AKNAD1: variants seen among roughly 807,000 people sequenced by gnomAD.
The protein encoded by AKNAD1 is protein AKNAD1.
In AKNAD1, 67 loss-of-function variants were observed where a neutral mutation model predicts 90.8. The observed-to-expected ratio is 0.74, with a 90% CI of 0.61 to 0.90. AKNAD1 has a LOEUF of 0.90. AKNAD1 is among the 40% of genes least tolerant of loss of function. The probability of loss-of-function intolerance (pLI) is 0.00; values close to 1 mark genes in which losing one functional copy is unlikely to be tolerated. For missense variants in AKNAD1, 957 were observed against 975.4 expected (o/e 0.98, Z 0.25); for synonymous variants, 327 against 341.4 (o/e 0.96, Z 0.46).
At chr1:108,831,947 G>A (rs548048069) in intron 9 of AKNAD1, among the ~76,000 whole-genome samples, 2 of 151,430 alleles carry the variant, frequency 1.3e-5, no homozygotes, top group Non-Finnish European at 3.0e-5. Flanking sequence ...CCTTACTTGT[G>A]ACTTTTTAGC....
intron 11 of AKNAD1, 52 bp from the exon 12 acceptor site, chr1:108,823,740 A>T: frequency 6.2e-7 from 1 of 1,612,656 alleles, no homozygotes; most frequent in South Asian, 1.1e-5. Context: ...GATTATAGTC[A>T]TAAAATACGG....
At chr1:108,839,099 A>C (rs1664459961) in intron 6 of AKNAD1, among the ~76,000 whole-genome samples, 1 of 152,240 alleles carries the variant, frequency 6.6e-6, no homozygotes. Flanking sequence ...ACCCCGAAGC[A>C]CGTGTATAGA....
chr1:108,816,234 C>T lies in AKNAD1; in HGVS notation c.2448G>A (p.Met816Ile), dbSNP rs1036611995. Residue 816 changes from methionine to isoleucine, a missense_variant, in exon 16 of 16, where the codon ATG (methionine) becomes ATA (isoleucine). Coordinates refer to ENST00000370001, the MANE Select transcript of AKNAD1 (RefSeq NM_152763.5). ...CAAGGTCTTCTGCAATCGTTTTAAT[C>T]ATTTGATCTGTAGTTTCTTTCAAAA... Reference protein sequence around the residue: ...ATILKETTDQMIKTIAEDLAK... With the variant: ...ATILKETTDQIIKTIAEDLAK... 1 of 1,613,662 alleles carries T rather than the reference C, an allele frequency of 6.2e-7. No homozygotes were observed. Among genetic ancestry groups the T allele is most frequent in the African/African-American group, 1.3e-5 (1 of 74,928 alleles).
upstream of AKNAD1, among the ~76,000 whole-genome samples, chr1:108,857,834 G>C (rs897644474): frequency 1.3e-5 from 2 of 152,230 alleles, no homozygotes; most frequent in African/African-American, 4.8e-5. Context: ...GTCACGGTAA[G>C]AGTTGGCTGT....
In AKNAD1 at chr1:108,852,898, AAGCT is replaced by A; in HGVS notation, c.-103-135_-103-132del. Reference sequence around the variant, plus strand: ...ACAGGAAGGCAGGAAGCTCAACCACAAGCTGACCCAACCTCAATCCACACTATGT... The same window carrying A: ...ACAGGAAGGCAGGAAGCTCAACCACAGACCCAACCTCAATCCACACTATGT... On this transcript the variant is annotated intron_variant, in intron 1 of 15. Transcript: ENST00000370001. The A allele has an allele frequency of 2.6e-5, 10 of 389,098 alleles. No individual in the cohort carries two copies. In the South Asian group the frequency reaches 6.2e-4, roughly 24 times the overall value. 24.1% of individuals were successfully genotyped at this position (389,098 alleles called of 1,614,324 possible).
rs1296734406 is a variant in AKNAD1, at chr1:108,820,547, T to C, written c.2247A>G (p.Gly749=). ...ACTGATAATGAAATAATACTTACTT[T>C]CCTGGTGTGGGCTCATGTTCACCTT... The part of the protein sequence containing the change: ...SFKGEHEPTP[G]KKKLQAFMTY... Residue 749 remains glycine (G), a splice_region_variant and synonymous_variant, in exon 14 of 16, where the codon GGA becomes GGG. Transcript: ENST00000370001. 3 of 1,586,534 alleles carry C rather than the reference T, an allele frequency of 1.9e-6. No homozygotes were observed. The highest frequency in any genetic ancestry group is 1.7e-5 in the Admixed American group (1 of 59,874).
intron 6 of AKNAD1, among the ~76,000 whole-genome samples, chr1:108,842,773 G>A (rs987229384): frequency 6.6e-6 from 1 of 152,176 alleles, no homozygotes. Flanking sequence ...AACTTGAGAA[G>A]AGGGCCCTCT....
At chr1:108,830,699 C>T (rs755783040) in intron 9 of AKNAD1, 49 bp from the exon 10 acceptor site, 12 of 1,587,204 alleles carry the variant, frequency 7.6e-6, no homozygotes, top group Admixed American at 3.3e-5. Flanking sequence ...ATGTGACTCA[C>T]GCCGCGGCTG....
chr1:108,828,727 T>C (rs2101174432), intron 10 of AKNAD1, among the ~76,000 whole-genome samples: 2 of 151,914 alleles, frequency 1.3e-5, no homozygotes, highest in South Asian at 4.2e-4. Flanking sequence ...TTCTCACACC[T>C]CATTTTCTGT....
intron 5 of AKNAD1, 72 bp downstream of exon 5, chr1:108,848,680 T>C: frequency 1.5e-6 from 2 of 1,355,590 alleles, no homozygotes; most frequent in South Asian, 1.3e-5. Flanking sequence ...AACATGGCAC[T>C]ATAAAGTTAT....
intron 10 of AKNAD1, 137 bp from the exon 11 acceptor site, chr1:108,827,439 A>G (rs1664040430): frequency 6.2e-6 from 4 of 644,248 alleles, no homozygotes; most frequent in Non-Finnish European, 8.1e-6. Flanking sequence ...CATCCTCTAC[A>G]CAGAGCTCTC....
intron 14 of AKNAD1, among the ~76,000 whole-genome samples, chr1:108,818,592 G>C (rs545420400): frequency 4.6e-5 from 7 of 152,230 alleles, no homozygotes; most frequent in African/African-American, 1.7e-4. Context: ...GCACCATTAT[G>C]ATTCCCACTT....
intron 1 of AKNAD1, among the ~76,000 whole-genome samples, chr1:108,856,548 A>AAAT (rs1471916435): frequency 1.3e-5 from 2 of 151,896 alleles, no homozygotes; most frequent in Admixed American, 1.3e-4. Context: ...AAGAAAAAAA[A>AAAT]AATTAAAAAT....
intron 10 of AKNAD1, 33 bp downstream of exon 10, chr1:108,830,526 C>T: frequency 6.2e-7 from 1 of 1,605,648 alleles, no homozygotes; most frequent in South Asian, 1.1e-5. Flanking sequence ...GACTCCAATC[C>T]ACCCTGGGAA....
intron 6 of AKNAD1, among the ~76,000 whole-genome samples, chr1:108,842,705 G>A (rs1664584592): frequency 1.3e-5 from 2 of 152,118 alleles, no homozygotes; most frequent in Admixed American, 1.3e-4. Context: ...GACAATAAAG[G>A]CAGGTGTGGG....
intron 1 of AKNAD1, among the ~76,000 whole-genome samples, chr1:108,854,077 C>G (rs1664962366): frequency 6.6e-6 from 1 of 152,310 alleles, no homozygotes; most frequent in Admixed American, 6.5e-5. Flanking sequence ...CTGAACAACC[C>G]CTGCCAGCCA....
chr1:108,834,220 T>C (rs553115816), intron 9 of AKNAD1, among the ~76,000 whole-genome samples: 4 of 152,114 alleles, frequency 2.6e-5, no homozygotes, highest in African/African-American at 9.6e-5. Context: ...CTCGGAGAAG[T>C]TGGAGAAGCT....
At chr1:108,837,392 T>A (rs1664418399) in intron 7 of AKNAD1, 158 bp downstream of exon 7, 1 of 657,368 alleles carries the variant, frequency 1.5e-6, no homozygotes, top group African/African-American at 1.8e-5. Flanking sequence ...CTTTAAAAGC[T>A]GGTTCCATTT....
At position 108,847,447 on chromosome 1, in the gene AKNAD1, C is replaced by CA. The variant is rs1326594196; in HGVS notation, c.1245+1304dup. On this transcript the variant is annotated intron_variant, in intron 5 of 15. Coordinates refer to ENST00000370001, the MANE Select transcript of AKNAD1 (RefSeq NM_152763.5). ...TGAGTGACAGAATGAGACCGTGTCT[C>CA]AAAAAAAAAAAAACAAAAAAAAAAA... 4.2e-3 allele frequency among the ~76,000 whole-genome samples: 350 copies of CA among 82,838 alleles called. 1 individual carries two copies. The highest frequency in any genetic ancestry group is 9.1e-3 in the East Asian group (25 of 2,754). The allele number at this position is 82,838 out of a possible 152,430, so 54.3% of individuals were successfully genotyped here.
Sources: allele counts gnomAD v4.1 joint callset (sites outside exome capture counted in the v4.1 genomes callset), GRCh38; gene constraint gnomAD v4.1.1; transcripts MANE v1.5; gene names NCBI Gene and HGNC (gene_info 2026-07-23, HGNC 2026-07-21).